UBR7: variants seen among roughly 807,000 people sequenced by gnomAD.
The protein encoded by UBR7 is ubiquitin protein ligase E3 component n-recognin 7, also known as putative E3 ubiquitin-protein ligase UBR7.
A neutral mutation model predicts 57.0 loss-of-function variants in UBR7; 22 were observed. The observed-to-expected ratio is 0.39, with a 90% CI of 0.28 to 0.55. The LOEUF (loss-of-function observed/expected upper bound fraction) is 0.55. Among genes scored for constraint, UBR7 ranks in the 20% least tolerant of loss-of-function variants. The probability of loss-of-function intolerance (pLI) is 0.69; values close to 1 mark genes in which losing one functional copy is unlikely to be tolerated. For synonymous variants in UBR7, 167 were observed against 179.8 expected, an observed-to-expected ratio of 0.93 and a Z score of 0.57; for missense variants, 395 against 513.2, an observed-to-expected ratio of 0.77 and a Z score of 2.23.
chr14:93,218,803 C>A, intron 7 of UBR7, 68 bp downstream of exon 7: 1 of 1,528,838 alleles, frequency 6.5e-7, no homozygotes, highest in Non-Finnish European at 8.9e-7. Flanking sequence ...TGCCCATAAT[C>A]CCAGCACTTT....
intron 10 of UBR7, among the ~76,000 whole-genome samples, chr14:93,222,702 CA>C (rs1894734457): frequency 6.6e-6 from 1 of 151,378 alleles, no homozygotes; most frequent in Non-Finnish European, 1.5e-5. Flanking sequence ...GAGAACACGC[CA>C]CTGCACCCCA....
At chr14:93,223,499 T>C (rs1566824429) in intron 10 of UBR7, 1 of 585,368 alleles carries the variant, frequency 1.7e-6, no homozygotes, top group Non-Finnish European at 3.0e-6. Context: ...ATGTCATCTC[T>C]GTCTACCTAC....
intron 10 of UBR7, among the ~76,000 whole-genome samples, chr14:93,224,637 A>T (rs550909389): frequency 6.6e-6 from 1 of 152,192 alleles, no homozygotes; most frequent in East Asian, 1.9e-4. Context: ...TTGGCCTCCC[A>T]AAGTGCTGGG....
intron 1 of UBR7, 98 bp downstream of exon 1, chr14:93,207,539 C>G (rs1894390404): frequency 1.4e-6 from 2 of 1,427,244 alleles, no homozygotes; most frequent in Admixed American, 2.9e-5. Flanking sequence ...AGTCGTCTCC[C>G]CAGTGGTGGT....
rs574203336 is a variant in UBR7, at chr14:93,222,437, T to C, written c.1185+63T>C. ...AGTTTTGAATGAAGGGTTTATTTCCTTTGACGATTAAAAATGACTGCGACT... is the reference window on the plus strand; with the variant it reads ...AGTTTTGAATGAAGGGTTTATTTCCCTTGACGATTAAAAATGACTGCGACT... On this transcript the variant is annotated intron_variant, in intron 10 of 10. Transcript: ENST00000013070. 2.4e-5 allele frequency: 30 copies of C among 1,263,784 alleles called. No homozygotes were observed. The African/African-American group carries it at 4.1e-4, about 17-fold the overall frequency. 78.3% of individuals were successfully genotyped at this position (1,263,784 alleles called of 1,614,324 possible).
chr14:93,218,755 C>A lies in UBR7; in HGVS notation c.810+20C>A. The stretch of plus-strand genomic sequence containing the variant: ...CTCCAGGTAATGTGTGAAGTACGAG[C>A]CATCAAGAAATAAGACTGGGCCAGG... On this transcript the variant is annotated intron_variant, in intron 7 of 10. Coordinates refer to ENST00000013070, the MANE Select transcript of UBR7 (RefSeq NM_175748.4). 1 of 1,608,108 alleles carries A rather than the reference C, an allele frequency of 6.2e-7. No homozygotes were observed. The highest frequency in any genetic ancestry group is 8.5e-7 in the Non-Finnish European group (1 of 1,175,586).
chr14:93,217,206 T>C (rs1177479644), intron 6 of UBR7, among the ~76,000 whole-genome samples: 1 of 151,680 alleles, frequency 6.6e-6, no homozygotes, highest in Admixed American at 6.6e-5. Flanking sequence ...CTTCTATTTT[T>C]AGTAGAGAAG....
chr14:93,219,712 G>A (rs1041166607), intron 8 of UBR7, among the ~76,000 whole-genome samples: 6 of 152,182 alleles, frequency 3.9e-5, no homozygotes, highest in South Asian at 4.1e-4. Context: ...TTTGGCTCAC[G>A]CCTGTAATCC....
Position 93,227,960 on chromosome 14 carries a change from G to A in UBR7, c.*925G>A. 1 of 700,202 alleles carries A rather than the reference G, an allele frequency of 1.4e-6. No individual in the cohort carries two copies. The highest frequency in any genetic ancestry group is 2.0e-5 in the Admixed American group (1 of 49,968). The allele number at this position is 700,202 out of a possible 1,614,324, so 43.4% of individuals were successfully genotyped here. ...AAAAATGGACCTATTTTGATATTCT[G>A]TTATGAAAATGTTATTAGAACCCCA... On this transcript the variant is annotated 3_prime_UTR_variant, in exon 11 of 11. Transcript: ENST00000013070.
chr14:93,216,524 A>C (rs1485707555), intron 6 of UBR7, among the ~76,000 whole-genome samples: 1 of 152,106 alleles, frequency 6.6e-6, no homozygotes, highest in Non-Finnish European at 1.5e-5. Flanking sequence ...TCATCTTTAG[A>C]GACCAGTTCA....
intron 9 of UBR7, among the ~76,000 whole-genome samples, chr14:93,222,016 A>G (rs978301144): frequency 6.6e-5 from 10 of 152,256 alleles, no homozygotes; most frequent in African/African-American, 2.4e-4. Context: ...AGCTACCAGA[A>G]TTCCAGAGAA....
rs1374197568 is a variant in UBR7, at chr14:93,227,877, G to A, written c.*842G>A. 1 of 700,750 alleles carries A rather than the reference G, an allele frequency of 1.4e-6. No individual in the cohort carries two copies. The allele number at this position is 700,750 out of a possible 1,614,324, so 43.4% of individuals were successfully genotyped here. A position where few individuals can be genotyped will look rare whatever the true frequency, so the allele number is the denominator to read the frequency against. On this transcript the variant is annotated 3_prime_UTR_variant, in exon 11 of 11. Transcript: ENST00000013070. The stretch of plus-strand genomic sequence containing the variant: ...GGTCTCACCCCTGTGAAATCTTGGT[G>A]GTTTACGAAGTCCTCTGGATTTCTT...
intron 9 of UBR7, among the ~76,000 whole-genome samples, chr14:93,221,383 G>C (rs1232655970): frequency 2.0e-5 from 3 of 151,736 alleles, no homozygotes; most frequent in African/African-American, 7.3e-5. Context: ...CAAAGTACTG[G>C]GATTACAGGC....
In UBR7 at chr14:93,228,275, AC is replaced by A. The variant is rs35241574; in HGVS notation, c.*1244del. The A allele has an allele frequency of 2.2e-6, 1 of 461,476 alleles. No homozygotes were observed. The highest frequency in any genetic ancestry group is 1.5e-5 in the South Asian group (1 of 64,536). 28.6% of individuals were successfully genotyped at this position (461,476 alleles called of 1,614,324 possible). Reference sequence around the variant, plus strand: ...TCAGTTGATATGAGATCTCTTTAACACCCCTCAGTCTATGTAGGAAATGCCT... The same window carrying A: ...TCAGTTGATATGAGATCTCTTTAACACCCTCAGTCTATGTAGGAAATGCCT... On this transcript the variant is annotated 3_prime_UTR_variant, in exon 11 of 11. Coordinates refer to ENST00000013070, the MANE Select transcript of UBR7 (RefSeq NM_175748.4).
At chr14:93,218,088 C>T (rs1386675685) in intron 6 of UBR7, among the ~76,000 whole-genome samples, 1 of 132,636 alleles carries the variant, frequency 7.5e-6, no homozygotes, top group South Asian at 2.6e-4. Context: ...GAGCGAAACT[C>T]TATCTCAAAA....
chr14:93,222,292 A>ATTT, intron 9 of UBR7, 21 bp from the exon 10 acceptor site: 1 of 1,554,570 alleles, frequency 6.4e-7, no homozygotes, highest in Non-Finnish European at 8.9e-7. Context: ...AAACTTAAAT[A>ATTT]CTTTTGTGGT....
At chr14:93,215,650 C>G (rs917825165) in intron 6 of UBR7, among the ~76,000 whole-genome samples, 1 of 144,618 alleles carries the variant, frequency 6.9e-6, no homozygotes, top group Non-Finnish European at 1.5e-5. Context: ...GATCACGTCA[C>G]TGCAGTCCAG....
At position 93,220,290 on chromosome 14, in the gene UBR7, A is replaced by G. The variant is rs1372200512; in HGVS notation, c.1002A>G (p.Glu334=). ...GDLDVLFLTD[E]YDTVLAYENK... is the part of the protein sequence containing the mutation. ...TAGATGTCTTATTCCTGACAGATGA[A>G]TACGACACAGTTCTGGCTTATGAAA... is the stretch of plus-strand genomic sequence containing the variant. Residue 334 remains glutamate (E), a synonymous_variant, in exon 9 of 11, where the codon GAA becomes GAG. Transcript: ENST00000013070. 1.9e-6 allele frequency: 3 copies of G among 1,612,720 alleles called. No homozygotes were observed. Among genetic ancestry groups the G allele is most frequent in the Non-Finnish European group, 2.5e-6 (3 of 1,179,836 alleles).
intron 7 of UBR7, 115 bp from the exon 8 acceptor site, chr14:93,219,097 T>A: frequency 7.9e-7 from 1 of 1,259,282 alleles, no homozygotes; most frequent in Non-Finnish European, 1.1e-6. Context: ...TTCTGTAAAC[T>A]TATGGCTTTG....
Sources: allele counts gnomAD v4.1 joint callset (sites outside exome capture counted in the v4.1 genomes callset), GRCh38; gene constraint gnomAD v4.1.1; transcripts MANE v1.5; gene names NCBI Gene and HGNC (gene_info 2026-07-23, HGNC 2026-07-21).